The following DLG2 variants were observed in gnomAD, a reference collection of about 807,000 sequenced individuals.
DLG2 encodes discs large MAGUK scaffold protein 2, also known as disks large homolog 2.
In DLG2, 45 loss-of-function variants were observed where a neutral mutation model predicts 132.5. The observed-to-expected ratio is 0.34, with a 90% CI of 0.27 to 0.44. The LOEUF is 0.44. Among genes scored for constraint, DLG2 ranks in the 20% least tolerant of loss-of-function variants. DLG2 has a pLI of 1.00. For synonymous variants in DLG2, 424 were observed against 419.6 expected (o/e 1.01, Z -0.13); for missense variants, 1,045 against 1,196.9 (o/e 0.87, Z 1.87).
chr11:84,464,774 T>A (rs1035035666), intron 7 of DLG2, among the ~76,000 whole-genome samples: 1 of 151,064 alleles, frequency 6.6e-6, no homozygotes, highest in African/African-American at 2.4e-5. Context: ...TAGATATGAA[T>A]AAGAGAAAAA....
intron 8 of DLG2, among the ~76,000 whole-genome samples, chr11:84,205,676 A>T (rs925386914): frequency 7.9e-5 from 12 of 152,108 alleles, no homozygotes; most frequent in South Asian, 4.1e-4. Flanking sequence ...TAGATAACAA[A>T]TTTTTTTGGA....
At chr11:83,825,698 C>CTCCG (rs2153987628) in intron 17 of DLG2, among the ~76,000 whole-genome samples, 1 of 152,228 alleles carries the variant, frequency 6.6e-6, no homozygotes, top group South Asian at 2.1e-4. Flanking sequence ...AGGGCTGCTG[C>CTCCG]TCCGTCCCCA....
At chr11:85,085,771 A>C (rs191370439) in intron 6 of DLG2, among the ~76,000 whole-genome samples, 25 of 152,234 alleles carry the variant, frequency 1.6e-4, no homozygotes, top group African/African-American at 5.3e-4. Context: ...TCACACAGCT[A>C]ACAGGTATTT....
At chr11:84,629,269 A>G (rs2099627809) in intron 6 of DLG2, among the ~76,000 whole-genome samples, 1 of 152,240 alleles carries the variant, frequency 6.6e-6, no homozygotes, top group Non-Finnish European at 1.5e-5. Context: ...GTCTGTTCAG[A>G]GTTCAAAAGT....
intron 6 of DLG2, among the ~76,000 whole-genome samples, chr11:84,829,242 T>G (rs571406614): frequency 1.3e-5 from 2 of 151,610 alleles, no homozygotes; most frequent in Non-Finnish European, 3.0e-5. Flanking sequence ...TTGTTTTGAT[T>G]AATGGAATGT....
intron 3 of DLG2, among the ~76,000 whole-genome samples, chr11:85,593,288 C>G (rs1276188666): frequency 6.6e-6 from 1 of 152,172 alleles, no homozygotes; most frequent in African/African-American, 2.4e-5. Context: ...ATTACTTTCC[C>G]TGAATGGCCA....
chr11:84,632,413 T>C (rs1363910594), intron 6 of DLG2, among the ~76,000 whole-genome samples: 1 of 152,204 alleles, frequency 6.6e-6, no homozygotes, highest in Non-Finnish European at 1.5e-5. Flanking sequence ...TTATTGACTC[T>C]TTTAGTTTTA....
At chr11:84,529,445 G>A (rs1456009358) in intron 7 of DLG2, among the ~76,000 whole-genome samples, 1 of 152,114 alleles carries the variant, frequency 6.6e-6, no homozygotes, top group Non-Finnish European at 1.5e-5. Context: ...CTTCAGCAAA[G>A]TTTCAGGATA....
At chr11:83,911,645 G>T (rs1457036382) in intron 15 of DLG2, among the ~76,000 whole-genome samples, 1 of 151,990 alleles carries the variant, frequency 6.6e-6, no homozygotes, top group East Asian at 1.9e-4. Context: ...CCATTTCAAT[G>T]TTAGCCTCAT....
At chr11:85,617,408 C>T (rs1282235183) in intron 2 of DLG2, among the ~76,000 whole-genome samples, 1 of 152,218 alleles carries the variant, frequency 6.6e-6, no homozygotes, top group African/African-American at 2.4e-5. Context: ...ATTGAGTGTT[C>T]CTTGTCTGTT....
chr11:85,029,921 T>C (rs2060867990), intron 6 of DLG2, among the ~76,000 whole-genome samples: 1 of 152,188 alleles, frequency 6.6e-6, no homozygotes, highest in Non-Finnish European at 1.5e-5. Flanking sequence ...GGTTTCACCA[T>C]GTTAACCAGG....
At position 83,455,874 on chromosome 11, in the gene DLG2, G is replaced by A. The variant is rs2135816372; in HGVS notation, c.*3944C>T. On this transcript the variant is annotated 3_prime_UTR_variant, in exon 28 of 28. Coordinates refer to ENST00000376104, the MANE Select transcript of DLG2 (RefSeq NM_001142699.3). ...TTCCCTCTAGGAGTAACAAATTAAT[G>A]TGATCAACTTAGGAATTAGCCTGAG... is the stretch of plus-strand genomic sequence containing the variant. The A allele has an allele frequency of 6.6e-6, 1 of 152,498 alleles. No individual in the cohort carries two copies. The highest frequency in any genetic ancestry group is 1.9e-4 in the East Asian group (1 of 5,180). 9.4% of individuals were successfully genotyped at this position (152,498 alleles called of 1,614,324 possible). A position where few individuals can be genotyped will look rare whatever the true frequency, so the allele number is the denominator to read the frequency against.
At chr11:85,583,651 T>G (rs1450288660) in intron 3 of DLG2, among the ~76,000 whole-genome samples, 2 of 152,172 alleles carry the variant, frequency 1.3e-5, no homozygotes, top group African/African-American at 2.4e-5. Flanking sequence ...AGATGAATAC[T>G]CCTCATTCTC....
chr11:85,446,032 G>GC (rs2091994026), intron 3 of DLG2, among the ~76,000 whole-genome samples: 1 of 152,134 alleles, frequency 6.6e-6, no homozygotes, highest in Non-Finnish European at 1.5e-5. Context: ...ACAACTTGTG[G>GC]CTTTGTTTGT....
intron 18 of DLG2, among the ~76,000 whole-genome samples, chr11:83,676,284 C>T (rs1314081617): frequency 6.6e-6 from 1 of 152,168 alleles, no homozygotes; most frequent in Non-Finnish European, 1.5e-5. Flanking sequence ...GGCAATTAGT[C>T]TTGGTATGAA....
At chr11:83,478,323 T>C (rs957283532) in intron 22 of DLG2, among the ~76,000 whole-genome samples, 1 of 152,102 alleles carries the variant, frequency 6.6e-6, no homozygotes, top group Non-Finnish European at 1.5e-5. Flanking sequence ...TTCTGTAACC[T>C]TGGATGAGAC....
intron 17 of DLG2, among the ~76,000 whole-genome samples, chr11:83,806,343 C>T (rs1164644136): frequency 6.6e-6 from 1 of 152,120 alleles, no homozygotes; most frequent in African/African-American, 2.4e-5. Flanking sequence ...TCTTAACCTT[C>T]AGGTAACCAC....
rs2092355990 is a variant in DLG2, at chr11:85,454,530, G to C, written c.40+144127C>G. On this transcript the variant is annotated intron_variant, in intron 3 of 27. Transcript: ENST00000376104. The stretch of plus-strand genomic sequence containing the variant: ...TCTCGTGCTGTGCAAAAGCTGTTTA[G>C]TTTAATTAGATCCAATTTATCAATT... Among the ~76,000 whole-genome samples, 2 of 151,996 alleles carry C rather than the reference G, an allele frequency of 1.3e-5. 1 individual carries two copies. The highest frequency in any genetic ancestry group is 4.2e-4 in the South Asian group (2 of 4,818).
chr11:85,308,964 C>T (rs945678362), intron 3 of DLG2, among the ~76,000 whole-genome samples: 5 of 152,130 alleles, frequency 3.3e-5, no homozygotes, highest in Non-Finnish European at 5.9e-5. Flanking sequence ...CGCCTCACTT[C>T]CATGAGATGC....
Sources: gnomAD v4.1 joint callset for allele counts (sites outside exome capture counted in the v4.1 genomes callset) on GRCh38, gnomAD v4.1.1 for gene constraint, MANE v1.5 for transcripts, NCBI Gene and HGNC (gene_info 2026-07-23, HGNC 2026-07-21) for gene names.